The following TBCK variants were observed in gnomAD, a reference collection of about 807,000 sequenced individuals.
The protein encoded by TBCK is TBC domain-containing protein kinase-like protein.
A neutral mutation model predicts 113.4 loss-of-function variants in TBCK; 99 were observed. The ratio of observed to expected loss-of-function variants is 0.87; its 90% CI spans 0.74 to 1.03. TBCK has a LOEUF of 1.03. Among genes scored for constraint, TBCK ranks in the 50% least tolerant of loss-of-function variants. The pLI, the probability that TBCK is intolerant of heterozygous loss-of-function variation, is 0.00. For missense variants in TBCK, 1,045 were observed against 1,061.3 expected, an observed-to-expected ratio of 0.98 and a Z score of 0.21; for synonymous variants, 369 against 370.8, an observed-to-expected ratio of 1.00 and a Z score of 0.05.
chr4:106,257,281 A>C (rs964475485), intron 5 of TBCK, among the ~76,000 whole-genome samples: 2 of 152,192 alleles, frequency 1.3e-5, no homozygotes, highest in African/African-American at 2.4e-5. Context: ...TGAGCACCAC[A>C]ATCTAGATTT....
chr4:106,288,770 C>T (rs141317720), intron 3 of TBCK, among the ~76,000 whole-genome samples: 1 of 152,176 alleles, frequency 6.6e-6, no homozygotes, highest in South Asian at 2.1e-4. Context: ...AATCTGCAAT[C>T]CAAAATGTTC....
At chr4:106,267,342 A>G (rs1320829611) in intron 3 of TBCK, among the ~76,000 whole-genome samples, 1 of 151,942 alleles carries the variant, frequency 6.6e-6, no homozygotes, top group East Asian at 1.9e-4. Flanking sequence ...TTTTACTTAT[A>G]TTAAAACATA....
chr4:106,159,063 T>C (rs995326945), intron 23 of TBCK, among the ~76,000 whole-genome samples: 3 of 150,378 alleles, frequency 2.0e-5, no homozygotes, highest in African/African-American at 7.3e-5. Flanking sequence ...CATGATCATC[T>C]AAATTGATAC....
chr4:106,240,993 C>CATA (rs1367682058), intron 12 of TBCK, among the ~76,000 whole-genome samples: 1 of 151,966 alleles, frequency 6.6e-6, no homozygotes. Flanking sequence ...AACAGCTATA[C>CATA]ATAATAGGTC....
intron 25 of TBCK, among the ~76,000 whole-genome samples, chr4:106,086,093 AAAG>A (rs1167833321): frequency 2.6e-5 from 4 of 152,114 alleles, no homozygotes; most frequent in Non-Finnish European, 5.9e-5. Flanking sequence ...GAAATAACTA[AAAG>A]AAGAATTGAA....
chr4:106,132,934 T>C (rs990725487), intron 23 of TBCK, among the ~76,000 whole-genome samples: 1 of 152,226 alleles, frequency 6.6e-6, no homozygotes, highest in Non-Finnish European at 1.5e-5. Flanking sequence ...CCCACTGTAT[T>C]TGGGAAATGA....
chr4:106,088,016 G>A (rs1739716075), intron 25 of TBCK, among the ~76,000 whole-genome samples: 2 of 152,160 alleles, frequency 1.3e-5, no homozygotes, highest in Non-Finnish European at 2.9e-5. Flanking sequence ...AGAAAACCTA[G>A]GCAATAGCAT....
chr4:106,275,080 G>A (rs1437203631), intron 3 of TBCK, among the ~76,000 whole-genome samples: 1 of 152,078 alleles, frequency 6.6e-6, no homozygotes, highest in Non-Finnish European at 1.5e-5. Context: ...AGTGAGCTAT[G>A]ATCATACCTG....
At chr4:106,221,067 A>G (rs1757621540) in intron 19 of TBCK, among the ~76,000 whole-genome samples, 1 of 152,362 alleles carries the variant, frequency 6.6e-6, no homozygotes, top group East Asian at 1.9e-4. Context: ...AATAATTACT[A>G]TGTAAAATTA....
At position 106,157,143 on chromosome 4, in the gene TBCK, G is replaced by A. The variant is rs569118609; in HGVS notation, c.2235+13952C>T. Reference sequence around the variant, plus strand: ...AGGGTGTGTCTAGAAATGTCTGGGAGCTAGGTCCTGGAAAGGGGGATTCAT... The same window carrying A: ...AGGGTGTGTCTAGAAATGTCTGGGAACTAGGTCCTGGAAAGGGGGATTCAT... On this transcript the variant is annotated intron_variant, in intron 23 of 25. Coordinates refer to ENST00000394708, the MANE Select transcript of TBCK (RefSeq NM_001163435.3). 2.6e-5 allele frequency among the ~76,000 whole-genome samples: 4 copies of A among 152,232 alleles called. No homozygotes were observed. In the East Asian group the frequency reaches 7.8e-4, roughly 30 times the overall value.
At position 106,171,255 on chromosome 4, in the gene TBCK, C is replaced by A. The variant is rs376380860; in HGVS notation, c.2075G>T (p.Arg692Leu). ...FSDLPEIDIERCVRESINLFC... is the reference protein window; with the variant it reads ...FSDLPEIDIELCVRESINLFC... The stretch of plus-strand genomic sequence containing the variant: ...CAGGTTGATAGATTCTCTCACACAG[C>A]GTTCAATGTCAATTTCTAGATAGAA... Residue 692 changes from arginine to leucine, a missense_variant, in exon 23 of 26, where the codon CGC becomes CTC. Transcript: ENST00000394708. 1 of 1,599,982 alleles carries A rather than the reference C, an allele frequency of 6.3e-7. No individual in the cohort carries two copies. The highest frequency in any genetic ancestry group is 8.5e-7 in the Non-Finnish European group (1 of 1,175,382).
intron 23 of TBCK, among the ~76,000 whole-genome samples, chr4:106,147,440 CCAAA>C (rs1206367976): frequency 6.6e-6 from 1 of 152,122 alleles, no homozygotes; most frequent in African/African-American, 2.4e-5. Context: ...GTCAGGGACC[CCAAA>C]CAGAGGGACC....
intron 23 of TBCK, among the ~76,000 whole-genome samples, chr4:106,135,063 T>G (rs1478419190): frequency 6.6e-6 from 1 of 152,136 alleles, no homozygotes. Context: ...CATCTAAATG[T>G]TGGGTAATCA....
At chr4:106,307,671 C>A (rs749946925) in intron 2 of TBCK, among the ~76,000 whole-genome samples, 5 of 151,916 alleles carry the variant, frequency 3.3e-5, no homozygotes, top group Non-Finnish European at 5.9e-5. Context: ...GATTTTTTTA[C>A]GTCTACAAAT....
upstream of TBCK, chr4:106,316,578 G>T: frequency 6.4e-7 from 1 of 1,551,614 alleles, no homozygotes; most frequent in South Asian, 1.2e-5. Flanking sequence ...CTCGGAACCC[G>T]TGGTCCTCCG....
chr4:106,212,909 T>C (rs1756333959), intron 19 of TBCK, 74 bp from the exon 20 acceptor site: 1 of 913,366 alleles, frequency 1.1e-6, no homozygotes, highest in South Asian at 1.5e-5. Context: ...AATATAGTTT[T>C]ATTTATACAT....
chr4:106,110,247 T>C (rs1742687145), intron 24 of TBCK, among the ~76,000 whole-genome samples: 1 of 152,248 alleles, frequency 6.6e-6, no homozygotes, highest in South Asian at 2.1e-4. Context: ...TCAATACTTG[T>C]GTCTAAGTAC....
Position 106,055,523 on chromosome 4 carries a change from A to AG in TBCK, c.2572-8844_2572-8843insC, listed in dbSNP as rs1321483560. On this transcript the variant is annotated intron_variant, in intron 25 of 25. Coordinates refer to ENST00000394708, the MANE Select transcript of TBCK (RefSeq NM_001163435.3). The stretch of plus-strand genomic sequence containing the variant: ...CATGAGTGTGAGTCAATGCAACTTC[A>AG]TAGTTTGGTTTGTTGAAAGTTCAAT... 2.7e-5 allele frequency among the ~76,000 whole-genome samples: 4 copies of AG among 150,238 alleles called. No individual in the cohort carries two copies. The South Asian group carries it at 8.4e-4, about 32-fold the overall frequency.
chr4:106,289,567 G>A (rs936598735), intron 3 of TBCK, among the ~76,000 whole-genome samples: 4 of 151,938 alleles, frequency 2.6e-5, no homozygotes, highest in African/African-American at 4.8e-5. Flanking sequence ...TCAGGAGTTC[G>A]AGACCAGCCT....
Sources: gnomAD v4.1 joint callset for allele counts (sites outside exome capture counted in the v4.1 genomes callset) on GRCh38, gnomAD v4.1.1 for gene constraint, MANE v1.5 for transcripts, NCBI Gene and HGNC (gene_info 2026-07-23, HGNC 2026-07-21) for gene names.